Variants in ELP1 observed in about 807,000 individuals in gnomAD.
The protein encoded by ELP1 is elongator complex protein 1.
ELP1 carries 131 observed loss-of-function variants against 183.2 expected under a neutral mutation model. The observed-to-expected ratio is 0.72, with a 90% confidence interval of 0.62 to 0.83. ELP1 has a LOEUF of 0.83. Among genes scored for constraint, ELP1 ranks in the 40% least tolerant of loss-of-function variants. The pLI is 0.00. For missense variants in ELP1, 1,550 were observed against 1,594.9 expected (o/e 0.97, Z 0.48); for synonymous variants, 555 against 569.0 (o/e 0.98, Z 0.35).
intron 18 of ELP1, among the ~76,000 whole-genome samples, chr9:108,900,651 A>G (rs1564087377): frequency 6.6e-6 from 1 of 152,308 alleles, no homozygotes; most frequent in East Asian, 1.9e-4. Context: ...CAACTTCTCT[A>G]TTTCTTAGCA....
At chr9:108,930,531 A>G (rs1000654268) in intron 2 of ELP1, among the ~76,000 whole-genome samples, 1 of 152,128 alleles carries the variant, frequency 6.6e-6, no homozygotes, top group Non-Finnish European at 1.5e-5. Flanking sequence ...TCTACTAAAA[A>G]TACAAAAAAT....
At position 108,917,542 on chromosome 9, in the gene ELP1, C is replaced by A; in HGVS notation, c.864+5G>T. Reference sequence around the variant, plus strand: ...TTCGAGGGTGAAACAAACTCAGGCACTTACCTTAACCTCATCTTTAAGGAA... The same window carrying A: ...TTCGAGGGTGAAACAAACTCAGGCAATTACCTTAACCTCATCTTTAAGGAA... On this transcript the variant is annotated splice_donor_5th_base_variant and intron_variant, in intron 9 of 36. Coordinates refer to ENST00000374647, the MANE Select transcript of ELP1 (RefSeq NM_003640.5). The A allele has an allele frequency of 6.2e-7, 1 of 1,613,192 alleles. No homozygotes were observed. Among genetic ancestry groups the A allele is most frequent in the East Asian group, 2.2e-5 (1 of 44,828 alleles).
intron 28 of ELP1, among the ~76,000 whole-genome samples, chr9:108,890,358 G>A (rs979477734): frequency 5.3e-5 from 8 of 152,146 alleles, no homozygotes; most frequent in Non-Finnish European, 4.4e-5. Flanking sequence ...AAATGACAAA[G>A]AAGGACTGGT....
chr9:108,915,643 A>C (rs953429333), intron 10 of ELP1, among the ~76,000 whole-genome samples: 2 of 151,820 alleles, frequency 1.3e-5, no homozygotes, highest in Non-Finnish European at 2.9e-5. Context: ...TCCACACTCT[A>C]TTACTCTCTC....
intron 22 of ELP1, among the ~76,000 whole-genome samples, chr9:108,898,032 A>C (rs1390416965): frequency 6.6e-6 from 1 of 152,250 alleles, no homozygotes; most frequent in Admixed American, 6.5e-5. Flanking sequence ...CAATTTGTCT[A>C]CAAACAAGAT....
intron 14 of ELP1, among the ~76,000 whole-genome samples, chr9:108,905,502 A>G (rs1828984200): frequency 6.6e-6 from 1 of 152,246 alleles, no homozygotes; most frequent in African/African-American, 2.4e-5. Context: ...AAATTTCAGC[A>G]AAGAAGAATA....
At chr9:108,930,732 G>T (rs962860587) in intron 2 of ELP1, among the ~76,000 whole-genome samples, 4 of 149,812 alleles carry the variant, frequency 2.7e-5, no homozygotes, top group Non-Finnish European at 5.9e-5. Flanking sequence ...AACAGAATTT[G>T]CATGACAAAG....
chr9:108,892,046 T>C (rs565118823), intron 27 of ELP1, among the ~76,000 whole-genome samples: 1 of 152,264 alleles, frequency 6.6e-6, no homozygotes, highest in South Asian at 2.1e-4. Context: ...GGCTGGATGT[T>C]AGCCAGAGAT....
rs189270970 is a variant in ELP1, at chr9:108,919,509, C to T, written c.553-160G>A. Among the ~76,000 whole-genome samples the T allele has an allele frequency of 2.6e-3, 388 of 149,706 alleles. 2 individuals are homozygous for T. The highest frequency in any genetic ancestry group is 9.2e-3 in the African/African-American group (372 of 40,534). On this transcript the variant is annotated intron_variant, in intron 6 of 36. Transcript: ENST00000374647. ...ACCATCCAAGGGTTGGTTCTTAGAA[C>T]GCAGAAATCATCAAAAAGAAGAAAA...
chr9:108,923,026 A>C, intron 5 of ELP1, 99 bp from the exon 6 acceptor site: 3 of 876,332 alleles, frequency 3.4e-6, no homozygotes, highest in Non-Finnish European at 5.8e-6. Flanking sequence ...GCAATTACTC[A>C]GGTCCTCTAA....
rs777709324 is a variant in ELP1 at position 108,929,896 on chromosome 9, G to A, written c.176C>T (p.Ala59Val). The A allele has an allele frequency of 6.2e-7, 1 of 1,613,796 alleles. No individual in the cohort carries two copies. The highest frequency in any genetic ancestry group is 1.1e-5 in the South Asian group (1 of 91,066). Residue 59 changes from alanine to valine, a missense_variant, in exon 3 of 37, where the codon GCA becomes GTA. Ala to Val is a moderately conservative substitution (Grantham distance 64, BLOSUM62 0). Transcript: ENST00000374647. Reference protein sequence around the residue: ...REVKNEVSLVAEGFLPEDGSG... With the variant: ...REVKNEVSLVVEGFLPEDGSG... Reference sequence around the variant, plus strand: ...TCCATCCTCTGGGAGAAAGCCTTCTGCCACCAAAGAAACTTCATTTTTCAC... The same window carrying A: ...TCCATCCTCTGGGAGAAAGCCTTCTACCACCAAAGAAACTTCATTTTTCAC...
At chr9:108,880,888 A>T (rs143241051) in intron 31 of ELP1, among the ~76,000 whole-genome samples, 189 of 152,358 alleles carry the variant, frequency 1.2e-3, no homozygotes, top group African/African-American at 4.4e-3. Context: ...AAGGGGGTGC[A>T]GACAAGGTAA....
rs759614036 is a variant in ELP1, at chr9:108,922,943, C to T, written c.467-16G>A. On this transcript the variant is annotated splice_polypyrimidine_tract_variant and intron_variant, in intron 5 of 36. Coordinates refer to ENST00000374647, the MANE Select transcript of ELP1 (RefSeq NM_003640.5). ...ATAAACTTGCCTACAGAACAATTGG[C>T]AAGACAACTAATAAGCCACATGAAA... 1.3e-6 allele frequency: 2 copies of T among 1,571,668 alleles called. No individual in the cohort carries two copies. Among genetic ancestry groups the T allele is most frequent in the Non-Finnish European group, 1.8e-6 (2 of 1,141,348 alleles).
At chr9:108,897,359 GGC>G in intron 22 of ELP1, 74 bp from the exon 23 acceptor site, 1 of 1,469,434 alleles carries the variant, frequency 6.8e-7, no homozygotes. Flanking sequence ...ACATACACCT[GGC>G]ATGCTGATGA....
intron 10 of ELP1, among the ~76,000 whole-genome samples, chr9:108,913,722 A>T (rs943037446): frequency 6.6e-6 from 1 of 152,054 alleles, no homozygotes; most frequent in Non-Finnish European, 1.5e-5. Flanking sequence ...ATCTCGGCTC[A>T]CGGCAACCTC....
intron 29 of ELP1, among the ~76,000 whole-genome samples, chr9:108,887,509 G>A (rs1828170191): frequency 6.6e-6 from 1 of 152,106 alleles, no homozygotes; most frequent in Non-Finnish European, 1.5e-5. Flanking sequence ...AGGATACAAG[G>A]TCAATTATAC....
rs1439727159 is a variant in ELP1, at chr9:108,929,922, CT to C, written c.151-2del. The C allele has an allele frequency of 6.2e-7, 1 of 1,613,362 alleles. No homozygotes were observed. Among genetic ancestry groups the C allele is most frequent in the East Asian group, 2.2e-5 (1 of 44,890 alleles). On this transcript the variant is annotated splice_acceptor_variant, in intron 2 of 36. Transcript: ENST00000374647. LOFTEE classifies it high-confidence loss of function. ...CCACCAAAGAAACTTCATTTTTCACCTTTCACCAAAGTAAACACAAGCAAAT... is the reference window on the plus strand; with the variant it reads ...CCACCAAAGAAACTTCATTTTTCACCTTCACCAAAGTAAACACAAGCAAAT...
In ELP1 at chr9:108,917,655, C is replaced by G; in HGVS notation, c.756G>C (p.Leu252Phe). 1.2e-6 allele frequency: 2 copies of G among 1,612,906 alleles called. No homozygotes were observed. Among genetic ancestry groups the G allele is most frequent in the Non-Finnish European group, 1.7e-6 (2 of 1,179,654 alleles). ...PALAWKPSGS[L>F]IASTQDKPNQ... ...TGGGTTTATCTTGTGTAGATGCAAT[C>G]AAACTGCCTGAGGGTCTTAAAGCAA... is the stretch of plus-strand genomic sequence containing the variant. Residue 252 changes from leucine (L) to phenylalanine (F), a missense_variant, in exon 9 of 37, where the codon TTG becomes TTC. Leu to Phe is a conservative substitution (Grantham distance 22). Transcript: ENST00000374647.
At chr9:108,886,320 T>C (rs1828119269) in intron 29 of ELP1, among the ~76,000 whole-genome samples, 1 of 152,206 alleles carries the variant, frequency 6.6e-6, no homozygotes, top group South Asian at 2.1e-4. Flanking sequence ...CCCCTCATTT[T>C]TGTCACCCCT....
Sources: allele counts gnomAD v4.1 joint callset (sites outside exome capture counted in the v4.1 genomes callset), GRCh38; gene constraint gnomAD v4.1.1; transcripts MANE v1.5; gene names NCBI Gene and HGNC (gene_info 2026-07-23, HGNC 2026-07-21).